NCKAP5: variants seen among roughly 807,000 people sequenced by gnomAD.
NCKAP5 encodes the protein nck-associated protein 5.
A neutral mutation model predicts 167.0 loss-of-function variants in NCKAP5; 92 were observed. That is an observed-to-expected ratio of 0.55 (90% CI 0.47 to 0.66). The LOEUF (loss-of-function observed/expected upper bound fraction) is 0.66. Among genes scored for constraint, NCKAP5 ranks in the 30% least tolerant of loss-of-function variants. NCKAP5 has a pLI of 0.00. For missense variants in NCKAP5, 2,378 were observed against 2,315.0 expected (o/e 1.03, Z -0.56); for synonymous variants, 891 against 877.4 (o/e 1.02, Z -0.27).
intron 11 of NCKAP5, among the ~76,000 whole-genome samples, chr2:132,831,909 G>T (rs561547401): frequency 1.3e-5 from 2 of 152,030 alleles, no homozygotes; most frequent in East Asian, 3.9e-4. Flanking sequence ...GAATTTTTTA[G>T]AAATACATTG....
chr2:133,164,995 G>A (rs1289947255), intron 5 of NCKAP5, among the ~76,000 whole-genome samples: 1 of 152,210 alleles, frequency 6.6e-6, no homozygotes, highest in African/African-American at 2.4e-5. Flanking sequence ...AGAAAGAGCA[G>A]TGGTTCTCAA....
the NCKAP5 span, among the ~76,000 whole-genome samples, chr2:133,653,822 C>T: frequency 7.9e-3 from 1,200 of 152,080 alleles, 15 homozygotes; most frequent in African/African-American, 0.025. Context: ...TTTTTGTCTA[C>T]GGAGAAAAAC....
intron 19 of NCKAP5, among the ~76,000 whole-genome samples, chr2:132,708,779 C>T (rs1055386288): frequency 1.2e-4 from 19 of 152,128 alleles, no homozygotes; most frequent in African/African-American, 4.1e-4. Context: ...TTGTTGTCTT[C>T]GTATTAGTCC....
At chr2:132,813,916 C>T (rs1417308814) in intron 11 of NCKAP5, among the ~76,000 whole-genome samples, 2 of 152,156 alleles carry the variant, frequency 1.3e-5, no homozygotes, top group Admixed American at 6.5e-5. Context: ...TATTGACTCT[C>T]ACAGTATTCC....
chr2:133,486,092 G>A (rs1290677561), intron 3 of NCKAP5, among the ~76,000 whole-genome samples: 6 of 152,044 alleles, frequency 3.9e-5, no homozygotes, highest in African/African-American at 7.2e-5. Flanking sequence ...ATGTAAACAC[G>A]GATAGTGACA....
chr2:133,341,485 A>T (rs1208667810), intron 3 of NCKAP5, among the ~76,000 whole-genome samples: 2 of 152,170 alleles, frequency 1.3e-5, no homozygotes, highest in Non-Finnish European at 2.9e-5. Flanking sequence ...TATTCACTCC[A>T]TCTTCAGGTC....
intron 3 of NCKAP5, among the ~76,000 whole-genome samples, chr2:133,315,274 G>A (rs761643937): frequency 3.3e-5 from 5 of 152,208 alleles, no homozygotes; most frequent in Non-Finnish European, 5.9e-5. Flanking sequence ...CTAAGTTGTT[G>A]GATTCAGGAT....
intron 8 of NCKAP5, among the ~76,000 whole-genome samples, chr2:132,899,006 C>T (rs1693418279): frequency 6.6e-6 from 1 of 152,172 alleles, no homozygotes; most frequent in African/African-American, 2.4e-5. Flanking sequence ...CGGGCATTGA[C>T]TTCTCCTCTC....
rs1686872695 is a variant in NCKAP5, at chr2:133,385,418, G to C, written c.70-82308C>G. Among the ~76,000 whole-genome samples, 8 of 152,306 alleles carry C rather than the reference G, an allele frequency of 5.3e-5. No homozygotes were observed. The South Asian group carries it at 1.7e-3, about 32-fold the overall frequency. On this transcript the variant is annotated intron_variant, in intron 3 of 19. Coordinates refer to ENST00000409261, the MANE Select transcript of NCKAP5 (RefSeq NM_207363.3). ...AAGCCCACTTGATCATGGTGGATAAGCTGTCGGATGTGCTGCTGGATTCGG... is the reference window on the plus strand; with the variant it reads ...AAGCCCACTTGATCATGGTGGATAACCTGTCGGATGTGCTGCTGGATTCGG...
chr2:133,180,525 G>T (rs1574291781), intron 5 of NCKAP5, among the ~76,000 whole-genome samples: 1 of 152,000 alleles, frequency 6.6e-6, no homozygotes, highest in South Asian at 2.1e-4. Flanking sequence ...TTTTTGTAGA[G>T]ACGCGGTTTC....
intron 5 of NCKAP5, among the ~76,000 whole-genome samples, chr2:133,182,153 T>C (rs1469912845): frequency 6.6e-6 from 1 of 152,184 alleles, no homozygotes; most frequent in African/African-American, 2.4e-5. Context: ...TACACAATTA[T>C]AGTTGTAGAC....
intron 6 of NCKAP5, among the ~76,000 whole-genome samples, chr2:133,007,893 A>G (rs1408363635): frequency 6.6e-6 from 1 of 152,178 alleles, no homozygotes; most frequent in Non-Finnish European, 1.5e-5. Context: ...AACAGCTGTC[A>G]CTTCAGTTTA....
At chr2:133,456,112 A>C (rs1476405151) in intron 3 of NCKAP5, among the ~76,000 whole-genome samples, 1 of 152,168 alleles carries the variant, frequency 6.6e-6, no homozygotes, top group African/African-American at 2.4e-5. Context: ...AATAACCCAC[A>C]ACAAGCATAA....
intron 19 of NCKAP5, among the ~76,000 whole-genome samples, chr2:132,687,901 A>G (rs1483029370): frequency 6.6e-6 from 1 of 152,184 alleles, no homozygotes; most frequent in East Asian, 1.9e-4. Context: ...TTGTGAGCCA[A>G]CTAGAACAGA....
chr2:132,992,463 G>C (rs1367122305), intron 7 of NCKAP5, among the ~76,000 whole-genome samples: 1 of 152,190 alleles, frequency 6.6e-6, no homozygotes, highest in East Asian at 1.9e-4. Context: ...GAAGAAATCA[G>C]ATGTAGCCTA....
At chr2:133,103,803 G>A (rs1471939310) in intron 6 of NCKAP5, among the ~76,000 whole-genome samples, 2 of 152,140 alleles carry the variant, frequency 1.3e-5, no homozygotes, top group Non-Finnish European at 2.9e-5. Flanking sequence ...ATCAATGAAA[G>A]CTGTTATTAT....
chr2:132,892,737 A>G (rs1044110595), intron 8 of NCKAP5, among the ~76,000 whole-genome samples: 9 of 152,228 alleles, frequency 5.9e-5, no homozygotes, highest in African/African-American at 2.2e-4. Flanking sequence ...TCCATTTTAC[A>G]GATGAAGAAA....
At chr2:133,430,530 A>G (rs1690091361) in intron 3 of NCKAP5, among the ~76,000 whole-genome samples, 1 of 152,052 alleles carries the variant, frequency 6.6e-6, no homozygotes, top group South Asian at 2.1e-4. Context: ...TCTTTAATCC[A>G]TCTTGAGTTA....
intron 5 of NCKAP5, among the ~76,000 whole-genome samples, chr2:133,178,973 C>G (rs926669644): frequency 5.3e-5 from 8 of 151,998 alleles, no homozygotes; most frequent in African/African-American, 1.9e-4. Context: ...CAAAACCAGC[C>G]TGCGTAACAT....
Sources: allele counts gnomAD v4.1 joint callset (sites outside exome capture counted in the v4.1 genomes callset), GRCh38; gene constraint gnomAD v4.1.1; transcripts MANE v1.5; gene names NCBI Gene and HGNC (gene_info 2026-07-23, HGNC 2026-07-21).